CFAP20DC: variants seen among roughly 807,000 people sequenced by gnomAD.
CFAP20DC encodes protein CFAP20DC.
CFAP20DC carries 84 observed loss-of-function variants against 101.7 expected under a neutral mutation model. The ratio of observed to expected loss-of-function variants is 0.83; its 90% CI spans 0.69 to 0.99. The LOEUF is 0.99. Ranked by LOEUF, CFAP20DC falls within the 50% of genes least tolerant of loss-of-function variation. The pLI, the probability that CFAP20DC is intolerant of heterozygous loss-of-function variation, is 0.00. For synonymous variants in CFAP20DC, 359 were observed against 351.2 expected (o/e 1.02, Z -0.25); for missense variants, 1,007 against 970.3 (o/e 1.04, Z -0.50).
At chr3:58,797,297 C>T (rs1309202511) in intron 15 of CFAP20DC, among the ~76,000 whole-genome samples, 1 of 152,156 alleles carries the variant, frequency 6.6e-6, no homozygotes, top group African/African-American at 2.4e-5. Flanking sequence ...CTCCAGAGAA[C>T]ACACAAATGG....
At chr3:58,807,866 T>G (rs1238006258) in intron 14 of CFAP20DC, among the ~76,000 whole-genome samples, 2 of 152,066 alleles carry the variant, frequency 1.3e-5, no homozygotes, top group East Asian at 1.9e-4. Flanking sequence ...GAGAAGTGCT[T>G]AAAGGAGCTG....
chr3:58,821,758 C>G (rs1190228773), intron 14 of CFAP20DC, among the ~76,000 whole-genome samples: 2 of 149,794 alleles, frequency 1.3e-5, no homozygotes, highest in East Asian at 2.0e-4. Flanking sequence ...GGATCTAGAA[C>G]TAGAAATACC....
At chr3:58,817,406 A>G (rs1054248256) in intron 14 of CFAP20DC, among the ~76,000 whole-genome samples, 1 of 150,402 alleles carries the variant, frequency 6.6e-6, no homozygotes, top group African/African-American at 2.4e-5. Flanking sequence ...AATTTAGAAG[A>G]ATGTATAACT....
chr3:58,748,513 C>A (rs187514798), intron 16 of CFAP20DC, among the ~76,000 whole-genome samples: 1 of 152,252 alleles, frequency 6.6e-6, no homozygotes, highest in East Asian at 1.9e-4. Flanking sequence ...CGTCTGTAAT[C>A]ACTTCCTGCA....
chr3:58,834,894 A>G (rs535262008), intron 13 of CFAP20DC, among the ~76,000 whole-genome samples: 77 of 152,290 alleles, frequency 5.1e-4, no homozygotes, highest in African/African-American at 9.6e-4. Flanking sequence ...TATGTAGAGT[A>G]CAAAACATAC....
intron 15 of CFAP20DC, among the ~76,000 whole-genome samples, chr3:58,775,827 C>A (rs2071286159): frequency 6.6e-6 from 1 of 150,652 alleles, no homozygotes; most frequent in Non-Finnish European, 1.5e-5. Flanking sequence ...CTCACCACAA[C>A]CTCCACCTCC....
chr3:58,741,906 C>T, downstream of CFAP20DC: 2 of 206,846 alleles, frequency 9.7e-6, no homozygotes, highest in Non-Finnish European at 1.7e-5. Flanking sequence ...CTGACCAGTT[C>T]ACAATGTTTC....
intron 15 of CFAP20DC, among the ~76,000 whole-genome samples, chr3:58,771,473 C>T (rs1341008354): frequency 6.6e-6 from 1 of 152,020 alleles, no homozygotes; most frequent in Admixed American, 6.6e-5. Context: ...TTAACAATAT[C>T]CATTTCCCAG....
At chr3:58,812,827 T>G (rs895435950) in intron 14 of CFAP20DC, among the ~76,000 whole-genome samples, 2 of 151,916 alleles carry the variant, frequency 1.3e-5, no homozygotes, top group Non-Finnish European at 2.9e-5. Context: ...AGTGGCCCAG[T>G]CATTGGACCT....
At chr3:58,957,409 T>G (rs1261042172) in intron 4 of CFAP20DC, among the ~76,000 whole-genome samples, 1 of 152,170 alleles carries the variant, frequency 6.6e-6, no homozygotes, top group Non-Finnish European at 1.5e-5. Flanking sequence ...GGTGGGAATG[T>G]AAATTAGTAC....
intron 12 of CFAP20DC, among the ~76,000 whole-genome samples, chr3:58,855,427 G>A (rs138624752): frequency 0.18 from 27,626 of 151,912 alleles, 4,426 homozygotes; most frequent in African/African-American, 0.42. Flanking sequence ...AAGTCAGTGT[G>A]GCGATTCCTC....
At chr3:58,820,181 A>G (rs541749035) in intron 14 of CFAP20DC, among the ~76,000 whole-genome samples, 10 of 151,932 alleles carry the variant, frequency 6.6e-5, no homozygotes, top group Middle Eastern at 3.4e-3. Flanking sequence ...CCCACAGCCA[A>G]TATCATACTG....
chr3:58,725,573 T>C (rs2067537452), intron 3 of CFAP20DC, among the ~76,000 whole-genome samples: 1 of 152,228 alleles, frequency 6.6e-6, no homozygotes. Context: ...AAGGGGATTT[T>C]ATTACTTGCA....
rs1038860268 is a variant in CFAP20DC, at chr3:58,732,722, G to A, written c.198-15094C>T. Among the ~76,000 whole-genome samples the A allele has an allele frequency of 1.6e-4, 25 of 152,226 alleles. No homozygotes were observed. The highest frequency in any genetic ancestry group is 3.4e-3 in the Middle Eastern group (1 of 294). On this transcript the variant is annotated intron_variant, in intron 3 of 3. Transcript: ENST00000486145. This position sits in a 1 kb window ranked among gnomAD's most constrained non-coding sequence, Gnocchi z 5.4. The stretch of plus-strand genomic sequence containing the variant: ...CCGTGGCAAAAACAGTTACTCAAAG[G>A]AATTGTAAATTTCCCTCCTCTTCTC...
chr3:58,854,706 G>C (rs202089650), intron 12 of CFAP20DC, among the ~76,000 whole-genome samples: 8,346 of 151,572 alleles, frequency 0.055, 469 homozygotes, highest in East Asian at 0.34. Context: ...TCTGATCTTT[G>C]ACAAACCTGA....
In CFAP20DC at chr3:59,014,782, T is replaced by C. The variant is rs569648447; in HGVS notation, c.278+24775A>G. On this transcript the variant is annotated intron_variant, in intron 4 of 16. Coordinates refer to ENST00000482387, the MANE Select transcript of CFAP20DC (RefSeq NM_001394063.1). The surrounding 1 kb of genome is among the most constrained non-coding windows in gnomAD (Gnocchi z 4.9). ...AGTACTACATAATGGTGGAAGGCAG[T>C]AGTACTACATATGGACCATGGCTAT... Among the ~76,000 whole-genome samples, 151 of 152,208 alleles carry C rather than the reference T, an allele frequency of 9.9e-4. No homozygotes were observed. Among genetic ancestry groups the C allele is most frequent in the African/African-American group, 3.5e-3 (146 of 41,532 alleles).
downstream of CFAP20DC, chr3:58,737,252 A>G: frequency 2.2e-6 from 1 of 456,512 alleles, no homozygotes; most frequent in South Asian, 1.5e-5. This position sits in a 1 kb window ranked among gnomAD's most constrained non-coding sequence, Gnocchi z 4.1. Flanking sequence ...CAAAAAGCAA[A>G]GAAACACACA....
chr3:58,774,612 T>C (rs1162977967), intron 15 of CFAP20DC, among the ~76,000 whole-genome samples: 1 of 152,224 alleles, frequency 6.6e-6, no homozygotes, highest in African/African-American at 2.4e-5. Context: ...TAGTTGGTGA[T>C]GGAATTCATC....
At chr3:59,037,218 T>A (rs1364626646) in intron 4 of CFAP20DC, among the ~76,000 whole-genome samples, 1 of 152,132 alleles carries the variant, frequency 6.6e-6, no homozygotes, top group Non-Finnish European at 1.5e-5. Context: ...GACATAGGCA[T>A]GGGCAAAGAC....
Sources: allele counts gnomAD v4.1 joint callset (sites outside exome capture counted in the v4.1 genomes callset), GRCh38; gene constraint gnomAD v4.1.1; non-coding constraint Gnocchi (gnomAD v3.1); transcripts MANE v1.5; gene names NCBI Gene and HGNC (gene_info 2026-07-23, HGNC 2026-07-21).